CDK14: variants seen among roughly 807,000 people sequenced by gnomAD.
The protein encoded by CDK14 is cyclin-dependent kinase 14.
A neutral mutation model predicts 60.7 loss-of-function variants in CDK14; 34 were observed. That is an observed-to-expected ratio of 0.56 (90% CI 0.43 to 0.75). CDK14 has a LOEUF of 0.75. CDK14 is among the 30% of genes least tolerant of loss of function. The pLI, the probability that CDK14 is intolerant of heterozygous loss-of-function variation, is 0.00. For missense variants in CDK14, 482 were observed against 564.1 expected, an observed-to-expected ratio of 0.85 and a Z score of 1.47; for synonymous variants, 197 against 203.7, an observed-to-expected ratio of 0.97 and a Z score of 0.28.
intron 5 of CDK14, among the ~76,000 whole-genome samples, chr7:90,806,045 T>G (rs1788815574): frequency 6.6e-6 from 1 of 152,156 alleles, no homozygotes; most frequent in Non-Finnish European, 1.5e-5. Flanking sequence ...AATGGAGAAA[T>G]AACTTTTTCA....
intron 11 of CDK14, among the ~76,000 whole-genome samples, chr7:91,057,782 A>C (rs910250012): frequency 3.3e-5 from 5 of 152,284 alleles, no homozygotes; most frequent in South Asian, 2.1e-4. Context: ...TTTTGGTACC[A>C]ATACCATGCT....
In CDK14 at chr7:90,951,019, T is replaced by TA. The variant is rs1164454066; in HGVS notation, c.827-4672dup. On this transcript the variant is annotated intron_variant, in intron 8 of 14. Transcript: ENST00000380050. ...TCCTGTAGGAGGGAGAATATTCCAT[T>TA]AAAAAATTATATCAAAAATGAGATT... 7.2e-5 allele frequency among the ~76,000 whole-genome samples: 11 copies of TA among 152,206 alleles called. No homozygotes were observed. The East Asian group carries it at 1.3e-3, about 19-fold the overall frequency.
chr7:91,138,414 A>C (rs1800349718), intron 14 of CDK14, among the ~76,000 whole-genome samples: 1 of 152,204 alleles, frequency 6.6e-6, no homozygotes, highest in Non-Finnish European at 1.5e-5. Context: ...AGGGACACAC[A>C]CCTAAATAGA....
At chr7:90,977,059 C>A (rs190421016) in intron 9 of CDK14, among the ~76,000 whole-genome samples, 2 of 152,024 alleles carry the variant, frequency 1.3e-5, no homozygotes, top group African/African-American at 4.8e-5. Context: ...GTAGTTTTAC[C>A]GTTTTGGGCC....
chr7:90,795,248 T>C (rs1250557981), intron 5 of CDK14, among the ~76,000 whole-genome samples: 1 of 152,102 alleles, frequency 6.6e-6, no homozygotes, highest in Non-Finnish European at 1.5e-5. Flanking sequence ...AAAAATTCCT[T>C]AGTGGCAGTG....
chr7:90,610,273 C>T lies in CDK14; in HGVS notation c.123+6024C>T, dbSNP rs576051988. On this transcript the variant is annotated intron_variant, in intron 2 of 14. Transcript: ENST00000380050. ...CTGCCAGCCCTTGATTTTGACCTGG[C>T]ATCTTTTCCTATCTTACCTAGTGGC... Among the ~76,000 whole-genome samples the T allele has an allele frequency of 8.5e-4, 130 of 152,310 alleles. 1 individual carries two copies. The highest frequency in any genetic ancestry group is 3.1e-3 in the African/African-American group (127 of 41,556).
chr7:90,617,198 G>A lies in CDK14; in HGVS notation c.123+12949G>A, dbSNP rs549855822. On this transcript the variant is annotated intron_variant, in intron 2 of 14. Transcript: ENST00000380050. Reference sequence around the variant, plus strand: ...ATGGGGGAAAACATCTGAAAAAAAGGAAATACAACAAATGGATAATGGGGA... The same window carrying A: ...ATGGGGGAAAACATCTGAAAAAAAGAAAATACAACAAATGGATAATGGGGA... Among the ~76,000 whole-genome samples, 22 of 152,110 alleles carry A rather than the reference G, an allele frequency of 1.4e-4. 1 individual carries two copies. In the South Asian group the frequency reaches 4.2e-3, roughly 29 times the overall value.
chr7:90,797,491 T>C (rs572703592), intron 5 of CDK14, among the ~76,000 whole-genome samples: 1 of 152,052 alleles, frequency 6.6e-6, no homozygotes, highest in South Asian at 2.1e-4. Context: ...TCAACATGAA[T>C]TTTTTGGGGG....
chr7:90,915,076 G>C (rs1793033153), intron 7 of CDK14, among the ~76,000 whole-genome samples: 1 of 152,136 alleles, frequency 6.6e-6, no homozygotes, highest in South Asian at 2.1e-4. Context: ...CTCTAGGGAG[G>C]AGCAGTTCCT....
intron 12 of CDK14, among the ~76,000 whole-genome samples, chr7:91,082,809 ACT>A (rs1798519218): frequency 6.6e-6 from 1 of 152,034 alleles, no homozygotes; most frequent in Non-Finnish European, 1.5e-5. Context: ...CGTAACTTTC[ACT>A]CTGTATTTAT....
chr7:91,153,986 G>A (rs1339459017), intron 14 of CDK14, among the ~76,000 whole-genome samples: 1 of 152,124 alleles, frequency 6.6e-6, no homozygotes, highest in Non-Finnish European at 1.5e-5. Context: ...TTTGAATAAC[G>A]TTTACTATGG....
chr7:90,955,080 A>T (rs1219482829), intron 8 of CDK14, among the ~76,000 whole-genome samples: 2 of 152,126 alleles, frequency 1.3e-5, no homozygotes, highest in Non-Finnish European at 2.9e-5. Context: ...TATCATATAT[A>T]ATCTCATCAA....
intron 2 of CDK14, among the ~76,000 whole-genome samples, chr7:90,626,216 T>C (rs1328366879): frequency 6.6e-6 from 1 of 152,194 alleles, no homozygotes; most frequent in East Asian, 1.9e-4. Flanking sequence ...TTGTTTATCT[T>C]TTCCACCCCT....
chr7:90,862,376 A>G (rs1038003294), intron 5 of CDK14, among the ~76,000 whole-genome samples: 1 of 152,212 alleles, frequency 6.6e-6, no homozygotes, highest in Non-Finnish European at 1.5e-5. Flanking sequence ...ATGCCTATAC[A>G]AAGGGGACTT....
chr7:91,093,810 G>A (rs1159366704), intron 12 of CDK14, among the ~76,000 whole-genome samples: 6 of 152,186 alleles, frequency 3.9e-5, no homozygotes, highest in African/African-American at 1.4e-4. Flanking sequence ...TAAAGAAAAT[G>A]TGGCACATAT....
chr7:91,000,190 C>T (rs1383172883), intron 10 of CDK14, among the ~76,000 whole-genome samples: 3 of 152,180 alleles, frequency 2.0e-5, no homozygotes, highest in Non-Finnish European at 2.9e-5. Context: ...GACTTACCAT[C>T]CCCTGTAGGC....
intron 14 of CDK14, among the ~76,000 whole-genome samples, chr7:91,190,590 A>G (rs1802329566): frequency 6.6e-6 from 1 of 152,186 alleles, no homozygotes; most frequent in African/African-American, 2.4e-5. Flanking sequence ...CTCAGGTTCA[A>G]GCGATTGTCA....
intron 5 of CDK14, among the ~76,000 whole-genome samples, chr7:90,796,042 G>A (rs921217876): frequency 9.9e-5 from 15 of 152,236 alleles, no homozygotes; most frequent in African/African-American, 3.1e-4. Context: ...ACAGAGAAGC[G>A]GGGAATGCAA....
intron 8 of CDK14, among the ~76,000 whole-genome samples, chr7:90,934,218 C>T (rs1182397282): frequency 1.3e-5 from 2 of 152,248 alleles, no homozygotes; most frequent in South Asian, 2.1e-4. Context: ...AACCTGCTGC[C>T]AGTCAGGCGG....
Sources: gnomAD v4.1 joint callset for allele counts (sites outside exome capture counted in the v4.1 genomes callset) on GRCh38, gnomAD v4.1.1 for gene constraint, MANE v1.5 for transcripts, NCBI Gene and HGNC (gene_info 2026-07-23, HGNC 2026-07-21) for gene names.